Variants in ABCA9 observed in about 807,000 individuals in gnomAD.
ABCA9 encodes the protein ATP binding cassette subfamily A member 9, also known as ATP-binding cassette sub-family A member 9.
ABCA9 carries 183 observed loss-of-function variants against 205.3 expected under a neutral mutation model. The observed-to-expected ratio is 0.89, with a 90% CI of 0.79 to 1.01. The LOEUF (loss-of-function observed/expected upper bound fraction) is 1.01. Ranked by LOEUF, ABCA9 falls within the 50% of genes least tolerant of loss-of-function variation. The pLI is 0.00. For missense variants in ABCA9, 1,805 were observed against 1,912.4 expected (o/e 0.94, Z 1.05); for synonymous variants, 651 against 683.3 (o/e 0.95, Z 0.74).
At chr17:68,977,512 T>C (rs1265854550) in intron 37 of ABCA9, among the ~76,000 whole-genome samples, 2 of 152,118 alleles carry the variant, frequency 1.3e-5, no homozygotes, top group African/African-American at 4.8e-5. Flanking sequence ...AGAAAAGACA[T>C]AAAATTGACC....
At position 68,993,091 on chromosome 17, in the gene ABCA9, A is replaced by G. The variant is rs765588302; in HGVS notation, c.3556-7T>C. 1.9e-6 allele frequency: 3 copies of G among 1,611,028 alleles called. No individual in the cohort carries two copies. The highest frequency in any genetic ancestry group is 2.5e-6 in the Non-Finnish European group (3 of 1,177,526). Reference sequence around the variant, plus strand: ...CCATGGAATCAGGAGAAATCTGTAAAATGAGCAGTAAGTGTATTCAGGTGA... The same window carrying G: ...CCATGGAATCAGGAGAAATCTGTAAGATGAGCAGTAAGTGTATTCAGGTGA... On this transcript the variant is annotated splice_region_variant and splice_polypyrimidine_tract_variant and intron_variant, in intron 26 of 38. Coordinates refer to ENST00000340001, the MANE Select transcript of ABCA9 (RefSeq NM_080283.4).
chr17:69,067,582 GA>G, the ABCA9 span, among the ~76,000 whole-genome samples: 1 of 137,638 alleles, frequency 7.3e-6, no homozygotes, highest in Non-Finnish European at 1.6e-5. Flanking sequence ...AAAAGAAAGA[GA>G]GAGAGACAGA....
chr17:68,975,946 T>G lies in ABCA9; in HGVS notation c.4844A>C (p.Lys1615Thr). 1 of 1,613,494 alleles carries G rather than the reference T, an allele frequency of 6.2e-7. No homozygotes were observed. The highest frequency in any genetic ancestry group is 1.3e-5 in the African/African-American group (1 of 75,042). ...CTCTTCCTGCAGGAGGAGTTTCCAC[T>G]TCACCGAGGGATCAAAGTCCTCTTC... is the stretch of plus-strand genomic sequence containing the variant. ...DLEEDFDPSV[K>T]WKLLLQEEP is the part of the protein sequence containing the mutation. The change falls in exon 39 of 39, where the codon AAG becomes ACG. Residue 1615 changes from lysine to threonine, a missense_variant. Transcript: ENST00000340001.
chr17:69,039,978 G>C (rs2071479900), intron 6 of ABCA9, among the ~76,000 whole-genome samples: 2 of 152,198 alleles, frequency 1.3e-5, no homozygotes, highest in Non-Finnish European at 2.9e-5. Context: ...CTAGTCATTA[G>C]AGAAATACAA....
chr17:68,980,125 G>T (rs2069002229), intron 37 of ABCA9, among the ~76,000 whole-genome samples: 1 of 152,014 alleles, frequency 6.6e-6, no homozygotes, highest in Non-Finnish European at 1.5e-5. Flanking sequence ...GTGGACAAAG[G>T]ATATGAACAG....
chr17:68,995,725 T>G (rs539367549), intron 26 of ABCA9, among the ~76,000 whole-genome samples, 170 bp downstream of exon 26: 2 of 152,344 alleles, frequency 1.3e-5, no homozygotes, highest in African/African-American at 4.8e-5. Flanking sequence ...GGCTTCCTAC[T>G]GAATCAGAAC....
chr17:68,986,413 C>T (rs1004851339), intron 31 of ABCA9, 89 bp from the exon 32 acceptor site: 104 of 1,295,476 alleles, frequency 8.0e-5, no homozygotes, highest in Non-Finnish European at 1.0e-4. Context: ...ATGCCCTTCT[C>T]TTCACACACA....
intron 28 of ABCA9, 46 bp from the exon 29 acceptor site, chr17:68,991,003 C>A: frequency 6.3e-7 from 1 of 1,580,126 alleles, no homozygotes; most frequent in Non-Finnish European, 8.6e-7. Context: ...GGTTAAAAAT[C>A]TTGTATCAAA....
chr17:69,007,831 C>A lies in ABCA9; in HGVS notation c.3363G>T (p.Leu1121Phe). 6.2e-7 allele frequency: 1 copy of A among 1,610,756 alleles called. No individual in the cohort carries two copies. Among genetic ancestry groups the A allele is most frequent in the South Asian group, 1.1e-5 (1 of 90,596 alleles). ...SIGYVSSLVF[L>F]TYVISFIFRN... Reference sequence around the variant, plus strand: ...GAAAAATGAATGAAATCACATATGTCAAGAAAACAAGAGATGAGACATAGC... The same window carrying A: ...GAAAAATGAATGAAATCACATATGTAAAGAAAACAAGAGATGAGACATAGC... The change falls in exon 25 of 39, where the codon TTG becomes TTT. Residue 1121 changes from leucine (L) to phenylalanine (F), a missense_variant. Leu to Phe is a conservative substitution (Grantham distance 22, BLOSUM62 0). Transcript: ENST00000340001.
At position 69,045,209 on chromosome 17, in the gene ABCA9, A is replaced by G. The variant is rs1412739062; in HGVS notation, c.432T>C (p.His144=). ...TGTGCTCTTTCATCATGGGGATTCT[A>G]TGTCCCCAAGAAAACTTCAAATGGT... is the stretch of plus-strand genomic sequence containing the variant. ...FSYHLKFSWG[H]RIPMMKEHRD... Residue 144 remains histidine (H), a synonymous_variant, in exon 4 of 39, where the codon CAT becomes CAC. Transcript: ENST00000340001. The G allele has an allele frequency of 3.1e-6, 5 of 1,612,940 alleles. No homozygotes were observed. The highest frequency in any genetic ancestry group is 3.4e-6 in the Non-Finnish European group (4 of 1,179,562).
At chr17:69,067,017 A>G in the ABCA9 span, among the ~76,000 whole-genome samples, 19 of 152,338 alleles carry the variant, frequency 1.2e-4, no homozygotes, top group Non-Finnish European at 2.1e-4. Context: ...ATAAATAGTG[A>G]GTGACTTAAA....
At chr17:69,032,085 C>A (rs1434943474) in intron 10 of ABCA9, 23 bp downstream of exon 10, 3 of 1,591,126 alleles carry the variant, frequency 1.9e-6, no homozygotes, top group Non-Finnish European at 2.6e-6. Flanking sequence ...TCCATTGGTG[C>A]CTCCAAGTAA....
intron 1 of ABCA9, among the ~76,000 whole-genome samples, chr17:69,055,409 A>G (rs1051570165): frequency 7.2e-5 from 11 of 152,244 alleles, no homozygotes; most frequent in African/African-American, 2.7e-4. Flanking sequence ...CATTCCAAAG[A>G]AGGAAAATTA....
intron 15 of ABCA9, 93 bp downstream of exon 15, chr17:69,026,883 G>T: frequency 6.8e-7 from 1 of 1,468,038 alleles, no homozygotes; most frequent in Non-Finnish European, 9.2e-7. Flanking sequence ...GGCCATGGCA[G>T]TTCCAGGGAG....
At chr17:69,039,750 C>T (rs2364313) in intron 6 of ABCA9, among the ~76,000 whole-genome samples, 138,548 of 152,148 alleles carry the variant, frequency 0.91, 63,501 homozygotes, top group East Asian at 1. Flanking sequence ...AAGGAAACTA[C>T]AATCAGAGTG....
At position 69,032,167 on chromosome 17, in the gene ABCA9, A is replaced by G. The variant is rs1452893152; in HGVS notation, c.1386T>C (p.Pro462=). The change falls in exon 10 of 39, where the codon CCT becomes CCC. Residue 462 remains proline (P), a synonymous_variant. Coordinates refer to ENST00000340001, the MANE Select transcript of ABCA9 (RefSeq NM_080283.4). ...CTGGTTCAAAACAGTCATTAGGTGT[A>G]GGATCAGAATCTGTTTCATTCTCAA... The part of the protein sequence containing the change: ...VVLENETDSD[P]TPNDCFEPVS... 6.2e-7 allele frequency: 1 copy of G among 1,614,016 alleles called. No homozygotes were observed. The highest frequency in any genetic ancestry group is 1.7e-5 in the Admixed American group (1 of 60,014).
chr17:69,048,207 A>T (rs1179595510), intron 3 of ABCA9, among the ~76,000 whole-genome samples: 1 of 152,140 alleles, frequency 6.6e-6, no homozygotes, highest in African/African-American at 2.4e-5. Context: ...GGGGATTACA[A>T]TTCAAGATGA....
chr17:69,001,598 C>T (rs2069872709), intron 25 of ABCA9, among the ~76,000 whole-genome samples: 1 of 151,698 alleles, frequency 6.6e-6, no homozygotes, highest in East Asian at 1.9e-4. Flanking sequence ...TGTGTCTCTG[C>T]CCGGCTTTGG....
the ABCA9 span, among the ~76,000 whole-genome samples, chr17:69,075,939 CTTGGT>C: frequency 6.6e-6 from 1 of 152,020 alleles, no homozygotes; most frequent in African/African-American, 2.4e-5. Context: ...CTTTCACCTC[CTTGGT>C]TAGATAAGTT....
Sources: gnomAD v4.1 joint callset for allele counts (sites outside exome capture counted in the v4.1 genomes callset) on GRCh38, gnomAD v4.1.1 for gene constraint, MANE v1.5 for transcripts, NCBI Gene and HGNC (gene_info 2026-07-23, HGNC 2026-07-21) for gene names.